The following SRCIN1 variants were observed in gnomAD, a reference collection of about 807,000 sequenced individuals.
SRCIN1 encodes SRC kinase signaling inhibitor 1.
A neutral mutation model predicts 116.2 loss-of-function variants in SRCIN1; 50 were observed. The observed-to-expected ratio is 0.43, with a 90% CI of 0.34 to 0.54. The LOEUF (loss-of-function observed/expected upper bound fraction) is 0.54, where lower values mean the gene tolerates loss of function less well. SRCIN1 is among the 20% of genes least tolerant of loss of function. The pLI is 0.02. For missense variants in SRCIN1, 1,446 were observed against 1,672.0 expected, an observed-to-expected ratio of 0.86 and a Z score of 2.36; for synonymous variants, 736 against 750.0, an observed-to-expected ratio of 0.98 and a Z score of 0.30.
chr17:38,543,516 C>T (rs1027154243), intron 18 of SRCIN1, among the ~76,000 whole-genome samples: 1 of 152,216 alleles, frequency 6.6e-6, no homozygotes, highest in Non-Finnish European at 1.5e-5. Context: ...CTCGCTCGCT[C>T]GCCCCTCCTC....
rs1908064181 is a variant in SRCIN1, at chr17:38,585,481, G to A, written c.23-6690C>T. Among the ~76,000 whole-genome samples the A allele has an allele frequency of 6.6e-6, 1 of 152,160 alleles. No homozygotes were observed. The highest frequency in any genetic ancestry group is 1.5e-5 in the Non-Finnish European group (1 of 68,040). On this transcript the variant is annotated intron_variant, in intron 1 of 18. Coordinates refer to ENST00000617146, the MANE Select transcript of SRCIN1 (RefSeq NM_025248.3). The surrounding 1 kb of genome is among the most constrained non-coding windows in gnomAD (Gnocchi z 4.2). Reference sequence around the variant, plus strand: ...ACAAAGGTCAACCGGGACCAGATATGTATCAAACTAGGCAGAGGCTCTGGG... The same window carrying A: ...ACAAAGGTCAACCGGGACCAGATATATATCAAACTAGGCAGAGGCTCTGGG...
chr17:38,544,930 G>A lies in SRCIN1; in HGVS notation c.3271-961C>T, dbSNP rs947499722. The A allele has an allele frequency of 1.3e-5, 2 of 152,710 alleles. No homozygotes were observed. The highest frequency in any genetic ancestry group is 2.4e-5 in the African/African-American group (1 of 41,428). The allele number at this position is 152,710 out of a possible 1,614,324, so 9.5% of individuals were successfully genotyped here. On this transcript the variant is annotated intron_variant, in intron 17 of 18. Transcript: ENST00000617146. This position sits in a 1 kb window ranked among gnomAD's most constrained non-coding sequence, Gnocchi z 4.5. ...GCCAGGGGACCCCATGGCAGGGCCT[G>A]TGCCCATGTTGCTCAGGGTGGCTTC...
chr17:38,571,110 C>A (rs1907052352), intron 2 of SRCIN1, among the ~76,000 whole-genome samples: 1 of 152,160 alleles, frequency 6.6e-6, no homozygotes. Flanking sequence ...CTGGGGATAT[C>A]ATCCATCCCC....
intron 1 of SRCIN1, among the ~76,000 whole-genome samples, chr17:38,584,446 C>T (rs1025941760): frequency 3.9e-5 from 6 of 152,218 alleles, no homozygotes; most frequent in Admixed American, 2.6e-4. Flanking sequence ...GCGGGTTCTG[C>T]CACCCTCAGC....
intron 16 of SRCIN1, 110 bp downstream of exon 16, chr17:38,548,946 A>G: frequency 7.5e-7 from 1 of 1,339,504 alleles, no homozygotes; most frequent in Non-Finnish European, 1.0e-6. Flanking sequence ...CTTTCCTTCC[A>G]TGTTCTCTGA....
intron 8 of SRCIN1, 113 bp downstream of exon 8, chr17:38,560,220 G>A (rs1263388284): frequency 1.0e-5 from 14 of 1,400,578 alleles, no homozygotes; most frequent in Non-Finnish European, 1.9e-6. Flanking sequence ...CCAGAGAAGG[G>A]AAGGGATTCA....
Position 38,548,084 on chromosome 17 carries a change from G to A in SRCIN1, c.3270+473C>T, listed in dbSNP as rs187977736. Among the ~76,000 whole-genome samples the A allele has an allele frequency of 1.5e-3, 235 of 152,248 alleles. 1 individual carries two copies. Among genetic ancestry groups the A allele is most frequent in the African/African-American group, 5.3e-3 (221 of 41,550 alleles). ...AGAGCCCTGGTAGTCCAGGTCTCCC[G>A]CACTGGAGCTGGGGGTGGCTGAGAA... is the stretch of plus-strand genomic sequence containing the variant. On this transcript the variant is annotated intron_variant, in intron 17 of 18. Coordinates refer to ENST00000617146, the MANE Select transcript of SRCIN1 (RefSeq NM_025248.3).
chr17:38,560,202 A>T, intron 8 of SRCIN1, 105 bp from the exon 9 acceptor site: 1 of 1,382,278 alleles, frequency 7.2e-7, no homozygotes, highest in South Asian at 1.4e-5. Flanking sequence ...CGATCTCAGG[A>T]TGGAGTCCCA....
In SRCIN1 at chr17:38,552,009, C is replaced by T. The variant is rs183571525; in HGVS notation, c.2604G>A (p.Pro868=). Residue 868 remains proline, a synonymous_variant, in exon 14 of 19, where the codon CCG becomes CCA. Coordinates refer to ENST00000617146, the MANE Select transcript of SRCIN1 (RefSeq NM_025248.3). This position sits in a 1 kb window ranked among gnomAD's most constrained non-coding sequence, Gnocchi z 5.3. ...GCCCGCTCAGCTCATGCAGGTTCAG[C>T]GGGGGGCTGGGGGGTGGCATTTCGA... ...VDFEMPPPSP[P]LNLHELSGPA... is the part of the protein sequence containing the mutation. 127 of 1,613,900 alleles carry T rather than the reference C, an allele frequency of 7.9e-5. No individual in the cohort carries two copies. The Admixed American group carries it at 8.7e-4, about 11-fold the overall frequency.
chr17:38,571,045 A>T (rs1353843176), intron 2 of SRCIN1, among the ~76,000 whole-genome samples: 1 of 152,202 alleles, frequency 6.6e-6, no homozygotes, highest in African/African-American at 2.4e-5. Flanking sequence ...AACGAGACAC[A>T]GTCTCTTGGC....
chr17:38,603,736 C>T (rs564008476), intron 1 of SRCIN1, among the ~76,000 whole-genome samples: 43 of 151,906 alleles, frequency 2.8e-4, no homozygotes, highest in Non-Finnish European at 2.4e-4. Context: ...GTGGGGACAG[C>T]GGGGTGGAGG....
chr17:38,563,392 T>G lies in SRCIN1; in HGVS notation c.671A>C (p.Lys224Thr). The change falls in exon 5 of 19, where the codon AAG becomes ACG. Residue 224 changes from lysine to threonine, a missense_variant. By Grantham distance (78) the Lys-to-Thr change is moderately conservative. Transcript: ENST00000617146. The surrounding 1 kb of genome is among the most constrained non-coding windows in gnomAD (Gnocchi z 5.8). ...GATGAGGATGGCGGTATTGGGCGAC[T>G]TAAGCATGCCCATGGTGAGCTTCTG... is the stretch of plus-strand genomic sequence containing the variant. ...FPQKLTMGML[K>T]SPNTAILIKD... 1 of 1,579,382 alleles carries G rather than the reference T, an allele frequency of 6.3e-7. No homozygotes were observed. Among genetic ancestry groups the G allele is most frequent in the South Asian group, 1.2e-5 (1 of 85,826 alleles).
intron 1 of SRCIN1, among the ~76,000 whole-genome samples, chr17:38,592,937 C>A (rs946552057): frequency 2.0e-5 from 3 of 151,912 alleles, no homozygotes; most frequent in African/African-American, 7.3e-5. Context: ...CTGCAAGGCA[C>A]CCCTCTCCTC....
rs778091132 is a variant in SRCIN1, at chr17:38,552,572, G to C, written c.2355C>G (p.Ser785Arg). 6.2e-7 allele frequency: 1 copy of C among 1,611,356 alleles called. No homozygotes were observed. Among genetic ancestry groups the C allele is most frequent in the Non-Finnish European group, 8.5e-7 (1 of 1,179,054 alleles). ...CCACGCGCAGCACCACCCGCATCTT[G>C]CTCTGCAGGCCCGGGAAGTGAGCTG... ...ELKAHFPGLQ[S>R]KMRVVLRVEV... Residue 785 changes from serine to arginine, a missense_variant, in exon 13 of 19, where the codon AGC (serine) becomes AGG (arginine). Ser to Arg is a moderately radical substitution (Grantham distance 110). This residue lies in a region of SRCIN1 where 531 missense variants were observed against 633.9 expected (regional missense o/e 0.84). Coordinates refer to ENST00000617146, the MANE Select transcript of SRCIN1 (RefSeq NM_025248.3). This position sits in a 1 kb window ranked among gnomAD's most constrained non-coding sequence, Gnocchi z 5.3.
In SRCIN1 at chr17:38,533,048, G is replaced by T. The variant is rs1300978239; in HGVS notation, c.*249C>A. ...TGGGATCAAGGAAGGTGGTGTGTTT[G>T]GTTTTTAGTTTTACTGTTTAAAAAA... On this transcript the variant is annotated 3_prime_UTR_variant, in exon 19 of 19. Coordinates refer to ENST00000617146, the MANE Select transcript of SRCIN1 (RefSeq NM_025248.3). 1.8e-5 allele frequency: 6 copies of T among 328,804 alleles called. No homozygotes were observed. In the Middle Eastern group the frequency reaches 2.4e-3, roughly 133 times the overall value. The allele number at this position is 328,804 out of a possible 1,614,324, so 20.4% of individuals were successfully genotyped here. A position where few individuals can be genotyped will look rare whatever the true frequency, so the allele number is the denominator to read the frequency against.
At chr17:38,606,653 C>G (rs1030971594), upstream of SRCIN1, among the ~76,000 whole-genome samples, 2 of 152,230 alleles carry the variant, frequency 1.3e-5, no homozygotes, top group Admixed American at 1.3e-4. This position sits in a 1 kb window ranked among gnomAD's most constrained non-coding sequence, Gnocchi z 5.2. Flanking sequence ...TCCCTGCTCA[C>G]GCCTCGCTTG....
In SRCIN1 at chr17:38,563,305, C is replaced by A; in HGVS notation, c.740+18G>T. Reference sequence around the variant, plus strand: ...AGCGTGGGGAAGCCCACCCAAATCCCCCCCGGTCCACGCCCACCGGACGTC... The same window carrying A: ...AGCGTGGGGAAGCCCACCCAAATCCACCCCGGTCCACGCCCACCGGACGTC... On this transcript the variant is annotated intron_variant, in intron 5 of 18. Transcript: ENST00000617146. This position sits in a 1 kb window ranked among gnomAD's most constrained non-coding sequence, Gnocchi z 5.8. 6.4e-7 allele frequency: 1 copy of A among 1,561,822 alleles called. No homozygotes were observed. The highest frequency in any genetic ancestry group is 8.7e-7 in the Non-Finnish European group (1 of 1,152,678).
intron 18 of SRCIN1, among the ~76,000 whole-genome samples, chr17:38,540,986 T>A (rs955910143): frequency 6.6e-6 from 1 of 152,122 alleles, no homozygotes; most frequent in Non-Finnish European, 1.5e-5. Flanking sequence ...ACACCTGTAA[T>A]CCCAGCAGTT....
intron 18 of SRCIN1, among the ~76,000 whole-genome samples, chr17:38,534,721 G>C (rs962620900): frequency 6.6e-6 from 1 of 152,164 alleles, no homozygotes; most frequent in Non-Finnish European, 1.5e-5. Context: ...AAGAACCAGC[G>C]CTGGCTGCAA....
Sources: gnomAD v4.1 joint callset for allele counts (sites outside exome capture counted in the v4.1 genomes callset) on GRCh38, gnomAD v4.1.1 for gene constraint, gnomAD v4.1.1 regional missense constraint, Gnocchi (gnomAD v3.1) non-coding constraint, MANE v1.5 for transcripts, NCBI Gene and HGNC (gene_info 2026-07-23, HGNC 2026-07-21) for gene names.